PCDH9: variants seen among roughly 807,000 people sequenced by gnomAD.
The protein encoded by PCDH9 is protocadherin 9.
A neutral mutation model predicts 70.6 loss-of-function variants in PCDH9; 24 were observed. The ratio of observed to expected loss-of-function variants is 0.34; its 90% CI spans 0.25 to 0.48. The LOEUF (loss-of-function observed/expected upper bound fraction) is 0.48. PCDH9 is among the 20% of genes least tolerant of loss of function. PCDH9 has a pLI of 0.99. For synonymous variants in PCDH9, 562 were observed against 558.5 expected, an observed-to-expected ratio of 1.01 and a Z score of -0.09; for missense variants, 1,281 against 1,503.6, an observed-to-expected ratio of 0.85 and a Z score of 2.45.
chr13:66,775,854 G>A (rs1342094467), intron 3 of PCDH9, among the ~76,000 whole-genome samples: 3 of 152,180 alleles, frequency 2.0e-5, no homozygotes, highest in Non-Finnish European at 2.9e-5. Flanking sequence ...GCTGTTCAGC[G>A]TTCAACTGTG....
chr13:66,880,334 G>T (rs925143256), intron 3 of PCDH9, among the ~76,000 whole-genome samples: 13 of 152,124 alleles, frequency 8.5e-5, no homozygotes, highest in Non-Finnish European at 1.9e-4. Context: ...TGAAGTTCAA[G>T]CGTAAGACAT....
intron 3 of PCDH9, among the ~76,000 whole-genome samples, chr13:66,812,600 G>A (rs1165610836): frequency 6.6e-6 from 1 of 152,142 alleles, no homozygotes; most frequent in East Asian, 1.9e-4. Context: ...GGATTAAAAA[G>A]TATGTGCAAG....
rs189936636 is a variant in PCDH9, at chr13:66,995,341, G to A, written c.3037-91736C>T. Among the ~76,000 whole-genome samples the A allele has an allele frequency of 7.7e-4, 117 of 152,200 alleles. 1 individual carries two copies. Among genetic ancestry groups the A allele is most frequent in the African/African-American group, 2.6e-3 (110 of 41,544 alleles). On this transcript the variant is annotated intron_variant, in intron 2 of 4. Transcript: ENST00000377865. ...ACAGTGATATATTCACAAGCACCAC[G>A]GGCGAAGTGAGGTTTTTAAAAATGC...
intron 3 of PCDH9, among the ~76,000 whole-genome samples, chr13:66,811,368 G>T (rs977343857): frequency 6.6e-6 from 1 of 152,158 alleles, no homozygotes; most frequent in African/African-American, 2.4e-5. Context: ...GCACCTTCCT[G>T]TGCACCAGGT....
intron 2 of PCDH9, among the ~76,000 whole-genome samples, chr13:67,074,422 T>C (rs1178183497): frequency 3.3e-5 from 5 of 152,128 alleles, no homozygotes; most frequent in Non-Finnish European, 5.9e-5. Flanking sequence ...CTGTGATAAA[T>C]AAGTTTTTGT....
chr13:66,342,783 GTATT>G (rs1555282392), intron 4 of PCDH9, among the ~76,000 whole-genome samples: 1 of 143,154 alleles, frequency 7.0e-6, no homozygotes, highest in African/African-American at 2.5e-5. Context: ...CTGATTTATT[GTATT>G]TATTTATTGT....
chr13:66,470,311 T>C (rs1958593272), intron 4 of PCDH9, among the ~76,000 whole-genome samples: 1 of 152,164 alleles, frequency 6.6e-6, no homozygotes, highest in Non-Finnish European at 1.5e-5. Flanking sequence ...GAATTATATA[T>C]ATCCTTCTGT....
intron 3 of PCDH9, among the ~76,000 whole-genome samples, chr13:66,805,524 G>A (rs1284894103): frequency 6.6e-6 from 1 of 152,124 alleles, no homozygotes; most frequent in Non-Finnish European, 1.5e-5. Context: ...GAGGTGAGTG[G>A]TGATATACTT....
At chr13:66,867,604 T>A (rs2081599764) in intron 3 of PCDH9, among the ~76,000 whole-genome samples, 1 of 152,138 alleles carries the variant, frequency 6.6e-6, no homozygotes, top group Admixed American at 6.5e-5. Context: ...AAAAATAATT[T>A]ATTAACCCAT....
At chr13:67,119,677 G>A (rs2086841643) in intron 2 of PCDH9, among the ~76,000 whole-genome samples, 1 of 152,068 alleles carries the variant, frequency 6.6e-6, no homozygotes, top group South Asian at 2.1e-4. Context: ...TTAGACATAG[G>A]TATTGATTGG....
At chr13:66,386,646 T>C (rs1163012597) in intron 4 of PCDH9, among the ~76,000 whole-genome samples, 1 of 152,162 alleles carries the variant, frequency 6.6e-6, no homozygotes, top group Non-Finnish European at 1.5e-5. Context: ...ATTCCAAAAG[T>C]TATGGGGTCC....
chr13:66,877,175 T>C (rs941678794), intron 3 of PCDH9, among the ~76,000 whole-genome samples: 19 of 152,004 alleles, frequency 1.2e-4, no homozygotes, highest in African/African-American at 3.6e-4. Flanking sequence ...CTATTATTTC[T>C]AATACTAGAC....
At chr13:66,649,740 A>G (rs1226151320) in intron 3 of PCDH9, among the ~76,000 whole-genome samples, 1 of 152,064 alleles carries the variant, frequency 6.6e-6, no homozygotes, top group Non-Finnish European at 1.5e-5. Context: ...TTGATCAAAA[A>G]TAATAACTAC....
intron 3 of PCDH9, chr13:66,825,042 T>A (rs963797561): frequency 6.6e-6 from 1 of 151,840 alleles, no homozygotes; most frequent in Non-Finnish European, 1.5e-5. Context: ...GATGTCCGTA[T>A]TGTTAACAGA....
At chr13:66,425,786 T>A (rs915128674) in intron 4 of PCDH9, among the ~76,000 whole-genome samples, 16 of 151,764 alleles carry the variant, frequency 1.1e-4, no homozygotes, top group African/African-American at 3.9e-4. Flanking sequence ...GACTAATACT[T>A]ATCATACATT....
rs372454880 is a variant in PCDH9 at position 66,641,232 on chromosome 13, C to A, written c.3139-9821G>T. Among the ~76,000 whole-genome samples the A allele has an allele frequency of 2.6e-5, 4 of 151,860 alleles. No individual in the cohort carries two copies. The East Asian group carries it at 7.7e-4, about 29-fold the overall frequency. On this transcript the variant is annotated intron_variant, in intron 3 of 4. Coordinates refer to ENST00000377865, the MANE Select transcript of PCDH9 (RefSeq NM_203487.3). ...GAGCCATCAGTCACATCTTTTTCAG[C>A]AAAAAAAGAAAAATGTCAATGGGAA... is the stretch of plus-strand genomic sequence containing the variant.
At chr13:66,998,383 A>G (rs757260041) in intron 2 of PCDH9, among the ~76,000 whole-genome samples, 1 of 152,222 alleles carries the variant, frequency 6.6e-6, no homozygotes, top group Admixed American at 6.5e-5. Context: ...CCAATTAGCT[A>G]GTAGTTTTAA....
chr13:67,145,950 C>A (rs1000393330), intron 2 of PCDH9, among the ~76,000 whole-genome samples: 1 of 151,994 alleles, frequency 6.6e-6, no homozygotes, highest in African/African-American at 2.4e-5. Flanking sequence ...ATTATAGGGT[C>A]TTAATATCTA....
chr13:66,795,925 T>G (rs2080233230), intron 3 of PCDH9, among the ~76,000 whole-genome samples: 1 of 152,168 alleles, frequency 6.6e-6, no homozygotes, highest in African/African-American at 2.4e-5. Context: ...GAAGGATTCA[T>G]CTCCTCTCTC....
Sources: gnomAD v4.1 joint callset for allele counts (sites outside exome capture counted in the v4.1 genomes callset) on GRCh38, gnomAD v4.1.1 for gene constraint, MANE v1.5 for transcripts, NCBI Gene and HGNC (gene_info 2026-07-23, HGNC 2026-07-21) for gene names.